The following DACH1 variants were observed in gnomAD, a reference collection of about 807,000 sequenced individuals.
DACH1 encodes the protein dachshund family transcription factor 1.
In DACH1, 12 loss-of-function variants were observed where a neutral mutation model predicts 54.2. The ratio of observed to expected loss-of-function variants is 0.22; its 90% confidence interval spans 0.14 to 0.36. The LOEUF (loss-of-function observed/expected upper bound fraction) is 0.36, where lower values mean the gene tolerates loss of function less well. DACH1 is among the 10% of genes least tolerant of loss of function. The probability of loss-of-function intolerance (pLI) is 1.00; values close to 1 mark genes in which losing one functional copy is unlikely to be tolerated. For missense variants in DACH1, 805 were observed against 929.8 expected, an observed-to-expected ratio of 0.87 and a Z score of 1.75; for synonymous variants, 386 against 366.2, an observed-to-expected ratio of 1.05 and a Z score of -0.62.
chr13:71,572,985 G>T lies in DACH1; in HGVS notation c.1154C>A (p.Pro385His). ...VGLELPFMMMPHPLIPVSLPP... is the reference protein window; with the variant it reads ...VGLELPFMMMHHPLIPVSLPP... ...TAGGCTGACAGGAATTAGAGGGTGG[G>T]GCATCATCATAAAAGGAAGTTCCAG... Residue 385 changes from proline (P) to histidine (H), a missense_variant, in exon 4 of 11, where the codon CCC becomes CAC. Pro to His is a moderately conservative substitution (Grantham distance 77). Transcript: ENST00000613252. The T allele has an allele frequency of 6.2e-7, 1 of 1,613,804 alleles. No individual in the cohort carries two copies. The highest frequency in any genetic ancestry group is 8.5e-7 in the Non-Finnish European group (1 of 1,179,914).
At chr13:71,713,225 G>T (rs1196027480) in intron 1 of DACH1, among the ~76,000 whole-genome samples, 1 of 151,832 alleles carries the variant, frequency 6.6e-6, no homozygotes, top group African/African-American at 2.4e-5. Flanking sequence ...ATCAACCCAA[G>T]GGCTGCTAAA....
intron 1 of DACH1, among the ~76,000 whole-genome samples, chr13:71,713,836 C>G (rs991382921): frequency 6.6e-6 from 1 of 151,858 alleles, no homozygotes; most frequent in Non-Finnish European, 1.5e-5. Flanking sequence ...AGAGAATGAT[C>G]AAATTCAGAA....
chr13:71,588,091 TA>T (rs1281638872), intron 3 of DACH1, among the ~76,000 whole-genome samples: 1 of 152,126 alleles, frequency 6.6e-6, no homozygotes, highest in East Asian at 1.9e-4. Context: ...TTACTCTCAA[TA>T]TTTACAGTTT....
chr13:71,728,612 G>A (rs905354230), intron 1 of DACH1, among the ~76,000 whole-genome samples: 1 of 151,994 alleles, frequency 6.6e-6, no homozygotes, highest in African/African-American at 2.4e-5. Context: ...GAAATCATTA[G>A]CATCCCCAAT....
chr13:71,517,594 A>C (rs2138272420), intron 6 of DACH1, among the ~76,000 whole-genome samples: 1 of 152,040 alleles, frequency 6.6e-6, no homozygotes, highest in Non-Finnish European at 1.5e-5. Context: ...ACAAAGGTGC[A>C]CATGATAAAT....
chr13:71,817,169 TATA>T (rs1887993730), intron 1 of DACH1, among the ~76,000 whole-genome samples: 1 of 152,166 alleles, frequency 6.6e-6, no homozygotes, highest in Non-Finnish European at 1.5e-5. Flanking sequence ...AAAGGAAATA[TATA>T]ATGTTAGAAC....
chr13:71,820,054 C>T (rs1333229880), intron 1 of DACH1, among the ~76,000 whole-genome samples: 2 of 140,108 alleles, frequency 1.4e-5, no homozygotes, highest in Non-Finnish European at 3.0e-5. Flanking sequence ...ATCACTTGAG[C>T]CCAGGAGTTT....
At chr13:71,732,046 C>G (rs923947391) in intron 1 of DACH1, among the ~76,000 whole-genome samples, 1 of 152,144 alleles carries the variant, frequency 6.6e-6, no homozygotes, top group Non-Finnish European at 1.5e-5. Flanking sequence ...CTTTATAAAA[C>G]TTATGTTAAC....
chr13:71,798,975 A>G (rs770100493), intron 1 of DACH1, among the ~76,000 whole-genome samples: 1 of 151,998 alleles, frequency 6.6e-6, no homozygotes, highest in Admixed American at 6.6e-5. Flanking sequence ...CTTTTTTCCA[A>G]CTGTTTGTTT....
chr13:71,478,837 A>G (rs557545074), intron 8 of DACH1, among the ~76,000 whole-genome samples: 52 of 152,310 alleles, frequency 3.4e-4, no homozygotes, highest in African/African-American at 1.1e-3. Flanking sequence ...TCAAAGGGCA[A>G]TTGTGAATTA....
intron 3 of DACH1, among the ~76,000 whole-genome samples, chr13:71,574,671 ACT>A (rs1204789464): frequency 6.6e-6 from 1 of 152,026 alleles, no homozygotes; most frequent in African/African-American, 2.4e-5. Flanking sequence ...GGTAATGAAA[ACT>A]CAATTCAAAT....
rs1438709607 is a variant in DACH1, at chr13:71,643,205, A to G, written c.965-12488T>C. Among the ~76,000 whole-genome samples, 6 of 152,298 alleles carry G rather than the reference A, an allele frequency of 3.9e-5. No homozygotes were observed. In the South Asian group the frequency reaches 6.2e-4, roughly 16 times the overall value. ...CTTTGGAACTCCATTTGTAAAATCAATGGTCATTTTTCTCATGCATTTATT... is the reference window on the plus strand; with the variant it reads ...CTTTGGAACTCCATTTGTAAAATCAGTGGTCATTTTTCTCATGCATTTATT... On this transcript the variant is annotated intron_variant, in intron 2 of 10. Transcript: ENST00000613252.
intron 3 of DACH1, among the ~76,000 whole-genome samples, chr13:71,622,790 A>T (rs1876343451): frequency 6.6e-6 from 1 of 151,824 alleles, no homozygotes; most frequent in Non-Finnish European, 1.5e-5. Flanking sequence ...TATAGTGTCA[A>T]ATAAAATCAC....
chr13:71,785,917 G>C (rs1045510230), intron 1 of DACH1, among the ~76,000 whole-genome samples: 7 of 152,206 alleles, frequency 4.6e-5, no homozygotes, highest in Non-Finnish European at 8.8e-5. Flanking sequence ...TGGACAGGCA[G>C]GGTCCTCTCA....
At chr13:71,522,116 A>G in intron 6 of DACH1, among the ~76,000 whole-genome samples, 1 of 152,164 alleles carries the variant, frequency 6.6e-6, no homozygotes, top group East Asian at 1.9e-4. Context: ...AAAGCATATT[A>G]ATCAAAGAAT....
At chr13:71,552,786 G>A (rs1194179498) in intron 6 of DACH1, among the ~76,000 whole-genome samples, 1 of 40,704 alleles carries the variant, frequency 2.5e-5, no homozygotes, top group Non-Finnish European at 4.7e-5. Flanking sequence ...TATATATATG[G>A]ATGTGAATAT....
At position 71,813,071 on chromosome 13, in the gene DACH1, A is replaced by G. The variant is rs139916371; in HGVS notation, c.848+52851T>C. On this transcript the variant is annotated intron_variant, in intron 1 of 10. Coordinates refer to ENST00000613252, the MANE Select transcript of DACH1 (RefSeq NM_080759.6). ...TTCTGATATGTCTAGCATCTTAAAC[A>G]TATTAACAATGGTCTAACAAATATA... 1.4e-3 allele frequency among the ~76,000 whole-genome samples: 212 copies of G among 152,344 alleles called. 1 individual carries two copies. Among genetic ancestry groups the G allele is most frequent in the African/African-American group, 4.9e-3 (202 of 41,580 alleles).
chr13:71,798,353 T>TAC (rs1887149127), intron 1 of DACH1, among the ~76,000 whole-genome samples: 1 of 135,382 alleles, frequency 7.4e-6, no homozygotes, highest in Admixed American at 7.2e-5. Context: ...TATATATATA[T>TAC]ATATATATAT....
intron 6 of DACH1, among the ~76,000 whole-genome samples, chr13:71,548,889 C>T (rs1290358089): frequency 6.6e-6 from 1 of 151,902 alleles, no homozygotes; most frequent in African/African-American, 2.4e-5. Flanking sequence ...TGCACTCCAG[C>T]CTGGGCAACA....
Sources: allele counts gnomAD v4.1 joint callset (sites outside exome capture counted in the v4.1 genomes callset), GRCh38; gene constraint gnomAD v4.1.1; transcripts MANE v1.5; gene names NCBI Gene and HGNC (gene_info 2026-07-23, HGNC 2026-07-21).